EXOC4: variants seen among roughly 807,000 people sequenced by gnomAD.
EXOC4 encodes the protein SEC8-like 1.
A neutral mutation model predicts 107.2 loss-of-function variants in EXOC4; 71 were observed. The observed-to-expected ratio is 0.66, with a 90% CI of 0.55 to 0.81. The LOEUF is 0.81. Ranked by LOEUF, EXOC4 falls within the 30% of genes least tolerant of loss-of-function variation. The probability of loss-of-function intolerance (pLI) is 0.00; values close to 1 mark genes in which losing one functional copy is unlikely to be tolerated. For missense variants in EXOC4, 1,108 were observed against 1,189.6 expected, an observed-to-expected ratio of 0.93 and a Z score of 1.01; for synonymous variants, 456 against 441.2, an observed-to-expected ratio of 1.03 and a Z score of -0.42.
At chr7:133,435,250 G>A (rs1797942111) in intron 7 of EXOC4, among the ~76,000 whole-genome samples, 1 of 151,868 alleles carries the variant, frequency 6.6e-6, no homozygotes, top group Admixed American at 6.6e-5. Context: ...GTGAAGGCAC[G>A]GACAACGTTC....
chr7:133,318,544 C>T (rs1461211443), intron 5 of EXOC4, among the ~76,000 whole-genome samples: 1 of 152,046 alleles, frequency 6.6e-6, no homozygotes, highest in African/African-American at 2.4e-5. Flanking sequence ...ATTGTCTTTT[C>T]AGATAAAAAT....
At chr7:133,948,105 A>G (rs1391277495) in intron 14 of EXOC4, among the ~76,000 whole-genome samples, 2 of 152,218 alleles carry the variant, frequency 1.3e-5, no homozygotes, top group Non-Finnish European at 2.9e-5. Flanking sequence ...TGAACAAGAC[A>G]TCTGAGTGGA....
At chr7:133,809,850 T>A (rs1416686519) in intron 10 of EXOC4, among the ~76,000 whole-genome samples, 2 of 151,750 alleles carry the variant, frequency 1.3e-5, no homozygotes, top group Non-Finnish European at 2.9e-5. Flanking sequence ...TGTGAAAGAG[T>A]CATGCATGAA....
chr7:133,638,131 ATAGT>A (rs1292606634), intron 10 of EXOC4, among the ~76,000 whole-genome samples: 1 of 152,156 alleles, frequency 6.6e-6, no homozygotes, highest in African/African-American at 2.4e-5. Flanking sequence ...ACTTAAAGAG[ATAGT>A]TATTTTGTTA....
intron 9 of EXOC4, among the ~76,000 whole-genome samples, chr7:133,626,990 C>T (rs1041256202): frequency 6.6e-6 from 1 of 152,158 alleles, no homozygotes; most frequent in Non-Finnish European, 1.5e-5. Flanking sequence ...CATCTAATTG[C>T]TATAACATTT....
At chr7:133,816,584 C>T (rs1797374031) in intron 10 of EXOC4, among the ~76,000 whole-genome samples, 1 of 152,106 alleles carries the variant, frequency 6.6e-6, no homozygotes, top group Non-Finnish European at 1.5e-5. Context: ...CTCTTTTTGA[C>T]ATTTATATAT....
intron 17 of EXOC4, among the ~76,000 whole-genome samples, chr7:134,030,520 AC>A (rs1308971228): frequency 1.3e-5 from 2 of 152,126 alleles, no homozygotes; most frequent in Non-Finnish European, 2.9e-5. Context: ...CGGCTAGAGG[AC>A]CCCACAGCTT....
chr7:133,557,538 A>G (rs1339232835), intron 9 of EXOC4, among the ~76,000 whole-genome samples: 1 of 152,200 alleles, frequency 6.6e-6, no homozygotes, highest in Non-Finnish European at 1.5e-5. Flanking sequence ...TTTTGAATAA[A>G]TAGAGTCAAT....
chr7:133,519,737 C>A (rs568494814), intron 9 of EXOC4, among the ~76,000 whole-genome samples: 1 of 152,096 alleles, frequency 6.6e-6, no homozygotes, highest in Non-Finnish European at 1.5e-5. Context: ...GAGCATTTGT[C>A]GGAAGTCAAG....
At chr7:134,091,452 C>A in the EXOC4 span, among the ~76,000 whole-genome samples, 2 of 152,166 alleles carry the variant, frequency 1.3e-5, no homozygotes, top group African/African-American at 4.8e-5. Flanking sequence ...TTTTAGTCGG[C>A]TTCTTTACTG....
chr7:133,538,065 G>A (rs1287834741), intron 9 of EXOC4, among the ~76,000 whole-genome samples: 1 of 152,044 alleles, frequency 6.6e-6, no homozygotes, highest in Non-Finnish European at 1.5e-5. Context: ...TTAAAGATGA[G>A]GCAATTGAGT....
chr7:133,292,963 A>G (rs1332724247), intron 3 of EXOC4, among the ~76,000 whole-genome samples: 1 of 152,162 alleles, frequency 6.6e-6, no homozygotes, highest in Non-Finnish European at 1.5e-5. Context: ...CTTAATGGCA[A>G]GGTTCTCTAG....
chr7:133,708,810 G>A (rs1794822641), intron 10 of EXOC4, among the ~76,000 whole-genome samples: 1 of 152,196 alleles, frequency 6.6e-6, no homozygotes, highest in Non-Finnish European at 1.5e-5. Flanking sequence ...TTGTCTGTCA[G>A]TCATATCCTA....
At chr7:133,684,392 C>G (rs922202579) in intron 10 of EXOC4, among the ~76,000 whole-genome samples, 2 of 151,876 alleles carry the variant, frequency 1.3e-5, no homozygotes, top group African/African-American at 4.8e-5. Context: ...TACAAATTAC[C>G]ATATTTTGGA....
At chr7:133,659,050 A>C (rs1803370603) in intron 10 of EXOC4, among the ~76,000 whole-genome samples, 1 of 133,196 alleles carries the variant, frequency 7.5e-6, no homozygotes, top group Non-Finnish European at 1.6e-5. Flanking sequence ...TAAATGGGAA[A>C]AGGGGCTGGT....
chr7:133,945,276 A>G (rs1034262797), intron 14 of EXOC4, among the ~76,000 whole-genome samples: 4 of 152,216 alleles, frequency 2.6e-5, no homozygotes, highest in Non-Finnish European at 4.4e-5. Context: ...AGGCAATTTT[A>G]ACAAACAACC....
chr7:133,350,839 T>C (rs554770309), intron 5 of EXOC4, among the ~76,000 whole-genome samples: 1 of 152,064 alleles, frequency 6.6e-6, no homozygotes, highest in Non-Finnish European at 1.5e-5. Flanking sequence ...TGCGTTTCCA[T>C]TCATTTATTT....
At chr7:133,480,328 G>A (rs1799124458) in intron 9 of EXOC4, 190 bp downstream of exon 9, 2 of 1,411,986 alleles carry the variant, frequency 1.4e-6, no homozygotes, top group Non-Finnish European at 1.8e-6. Context: ...GTGGCCATAG[G>A]ACTTGTAGAC....
At chr7:134,091,776 T>G in the EXOC4 span, among the ~76,000 whole-genome samples, 14 of 152,162 alleles carry the variant, frequency 9.2e-5, no homozygotes, top group Admixed American at 9.2e-4. Flanking sequence ...GAGCTCTGTT[T>G]CTCAGTTGAT....
Sources: gnomAD v4.1 joint callset for allele counts (sites outside exome capture counted in the v4.1 genomes callset) on GRCh38, gnomAD v4.1.1 for gene constraint, MANE v1.5 for transcripts, NCBI Gene and HGNC (gene_info 2026-07-23, HGNC 2026-07-21) for gene names.